Variants in RAB5B observed in about 807,000 individuals in gnomAD.
The protein encoded by RAB5B is RAB5B, member RAS oncogene family.
Under a neutral mutation model 28.6 loss-of-function variants are expected in RAB5B, and 11 were observed. The observed-to-expected ratio is 0.38, with a 90% CI of 0.24 to 0.64. The LOEUF (loss-of-function observed/expected upper bound fraction) is 0.64. Ranked by LOEUF, RAB5B falls within the 30% of genes least tolerant of loss-of-function variation. The probability of loss-of-function intolerance (pLI) is 0.53; values close to 1 mark genes in which losing one functional copy is unlikely to be tolerated. For missense variants in RAB5B, 169 were observed against 265.6 expected (o/e 0.64, Z 2.53); for synonymous variants, 93 against 97.9 (o/e 0.95, Z 0.29).
chr12:55,980,794 TC>T, intron 1 of RAB5B: 1 of 1,579,192 alleles, frequency 6.3e-7, no homozygotes, highest in Admixed American at 1.7e-5. Flanking sequence ...TGCCCATGGC[TC>T]CACGGTAGTA....
At chr12:55,991,303 A>G in intron 4 of RAB5B, 57 bp from the exon 5 acceptor site, 1 of 1,344,014 alleles carries the variant, frequency 7.4e-7, no homozygotes, top group Non-Finnish European at 1.1e-6. Context: ...GGGAGTGGAA[A>G]GGCAATACTC....
intron 1 of RAB5B, chr12:55,981,054 G>T: frequency 8.1e-6 from 13 of 1,597,354 alleles, no homozygotes; most frequent in Non-Finnish European, 1.1e-5. Context: ...GGGGGAGCCG[G>T]GGAAGGGATG....
intron 2 of RAB5B, among the ~76,000 whole-genome samples, chr12:55,988,665 G>A (rs1021408161): frequency 7.9e-5 from 12 of 151,938 alleles, no homozygotes; most frequent in Admixed American, 7.2e-4. Flanking sequence ...CACCATGCCC[G>A]GCTAATTTTT....
rs554428727 is a variant in RAB5B at position 55,988,694 on chromosome 12, G to A, written c.164-1253G>A. On this transcript the variant is annotated intron_variant, in intron 2 of 5. Coordinates refer to ENST00000360299, the MANE Select transcript of RAB5B (RefSeq NM_002868.4). ...AATTTTTGTATTTGTATAGAGACAG[G>A]GTTTCACCGTGTTGGCCAGGCTGGT... 5.9e-5 allele frequency among the ~76,000 whole-genome samples: 9 copies of A among 152,044 alleles called. 2 individuals are homozygous for A. In the South Asian group the frequency reaches 1.9e-3, roughly 32 times the overall value.
intron 1 of RAB5B, among the ~76,000 whole-genome samples, chr12:55,982,108 C>T (rs931431345): frequency 6.6e-6 from 1 of 151,978 alleles, no homozygotes. Flanking sequence ...GGCAGAGCTG[C>T]ACTTCTAAGG....
chr12:55,995,997 A>ATTTTTTTTTTTTT lies in RAB5B; in HGVS notation c.*3786_*3787insTTTTTTTTTTTTT, dbSNP rs1432681953. ...CATATATATATACATATATATATATATATATATTTTTTTTTTAACAACTGG... is the reference window on the plus strand; with the variant it reads ...CATATATATATACATATATATATATATTTTTTTTTTTTTTATATATTTTTTTTTTAACAACTGG... On this transcript the variant is annotated 3_prime_UTR_variant, in exon 6 of 6. Coordinates refer to ENST00000360299, the MANE Select transcript of RAB5B (RefSeq NM_002868.4). 2 of 100,472 alleles carry ATTTTTTTTTTTTT rather than the reference A, an allele frequency of 2.0e-5. No homozygotes were observed. Among genetic ancestry groups the ATTTTTTTTTTTTT allele is most frequent in the African/African-American group, 1.0e-4 (2 of 19,268 alleles). The allele number at this position is 100,472 out of a possible 1,614,324, so 6.2% of individuals were successfully genotyped here. A position where few individuals can be genotyped will look rare whatever the true frequency, so the allele number is the denominator to read the frequency against.
At chr12:55,979,190 A>G (rs1157672321) in intron 1 of RAB5B, among the ~76,000 whole-genome samples, 1 of 152,076 alleles carries the variant, frequency 6.6e-6, no homozygotes, top group Admixed American at 6.6e-5. Flanking sequence ...GTCTTATGAG[A>G]TATATAGAAT....
At position 55,996,551 on chromosome 12, in the gene RAB5B, C is replaced by G. The variant is rs1051541994; in HGVS notation, c.*4339C>G. 6.6e-6 allele frequency: 1 copy of G among 152,236 alleles called. No homozygotes were observed. Among genetic ancestry groups the G allele is most frequent in the Non-Finnish European group, 1.5e-5 (1 of 68,082 alleles). 9.4% of individuals were successfully genotyped at this position (152,236 alleles called of 1,614,324 possible). On this transcript the variant is annotated 3_prime_UTR_variant, in exon 6 of 6. Transcript: ENST00000360299. Reference sequence around the variant, plus strand: ...GGAGTGCAGTGCCGCGATCTTGGCTCAGTGCAACCTCGAACTCCTGGGCTT... The same window carrying G: ...GGAGTGCAGTGCCGCGATCTTGGCTGAGTGCAACCTCGAACTCCTGGGCTT...
intron 1 of RAB5B, among the ~76,000 whole-genome samples, chr12:55,982,101 A>G (rs1314039266): frequency 2.0e-5 from 3 of 152,044 alleles, no homozygotes; most frequent in Admixed American, 2.0e-4. Context: ...TGCACCCGGC[A>G]GAGCTGCACT....
Position 55,990,817 on chromosome 12 carries a change from G to A in RAB5B, c.438+13G>A, listed in dbSNP as rs200244758. 2.7e-4 allele frequency: 429 copies of A among 1,612,572 alleles called. No homozygotes were observed. Among genetic ancestry groups the A allele is most frequent in the Middle Eastern group, 1.5e-3 (9 of 6,046 alleles). On this transcript the variant is annotated intron_variant, in intron 4 of 5. Coordinates refer to ENST00000360299, the MANE Select transcript of RAB5B (RefSeq NM_002868.4). ...GGTGGAGTATGAAGTAAGGTGGCCC[G>A]TGGAGTTCCTCTCTAACACTTCCTC... is the stretch of plus-strand genomic sequence containing the variant.
chr12:55,976,874 G>A (rs990994104), intron 1 of RAB5B, among the ~76,000 whole-genome samples: 7 of 152,114 alleles, frequency 4.6e-5, no homozygotes, highest in African/African-American at 1.7e-4. Context: ...AAAGCCCTCT[G>A]TTGTACCCAG....
intron 1 of RAB5B, among the ~76,000 whole-genome samples, chr12:55,976,004 C>T (rs1889637834): frequency 6.6e-6 from 1 of 152,086 alleles, no homozygotes; most frequent in African/African-American, 2.4e-5. Context: ...CCCACCTCGG[C>T]CTCCCAAAGT....
At position 55,977,418 on chromosome 12, in the gene RAB5B, A is replaced by C. The variant is rs562284133; in HGVS notation, c.-93+3279A>C. Among the ~76,000 whole-genome samples, 8 of 152,324 alleles carry C rather than the reference A, an allele frequency of 5.3e-5. No individual in the cohort carries two copies. In the South Asian group the frequency reaches 1.7e-3, roughly 32 times the overall value. The stretch of plus-strand genomic sequence containing the variant: ...TTGCAAAAATATATTTGGAGAAGAG[A>C]GCTTTCCCATTGCCCTTCAAGTCAT... On this transcript the variant is annotated intron_variant, in intron 1 of 5. Transcript: ENST00000360299.
intron 1 of RAB5B, among the ~76,000 whole-genome samples, chr12:55,977,808 T>C (rs1249456607): frequency 2.6e-5 from 4 of 152,206 alleles, no homozygotes. Context: ...GAACAAAGTA[T>C]GTGTACATTT....
intron 1 of RAB5B, among the ~76,000 whole-genome samples, chr12:55,979,725 GT>G (rs1406063576): frequency 6.6e-6 from 1 of 152,150 alleles, no homozygotes; most frequent in African/African-American, 2.4e-5. Flanking sequence ...TTCTTAATTT[GT>G]TTTTAGTCCC....
rs935765781 is a variant in RAB5B at position 55,994,275 on chromosome 12, A to C, written c.*2063A>C. On this transcript the variant is annotated 3_prime_UTR_variant, in exon 6 of 6. Coordinates refer to ENST00000360299, the MANE Select transcript of RAB5B (RefSeq NM_002868.4). ...AGTGGAAGAACTAGGATGGCTTTCC[A>C]AAGTCTTCTAGAAATGAAGTTCTTT... 1 of 152,402 alleles carries C rather than the reference A, an allele frequency of 6.6e-6. No homozygotes were observed. Among genetic ancestry groups the C allele is most frequent in the Admixed American group, 6.5e-5 (1 of 15,270 alleles). The allele number at this position is 152,402 out of a possible 1,614,324, so 9.4% of individuals were successfully genotyped here.
intron 5 of RAB5B, chr12:55,991,746 G>C: frequency 2.5e-6 from 1 of 394,570 alleles, no homozygotes; most frequent in South Asian, 2.4e-5. Flanking sequence ...GGCCAATGTG[G>C]TGAAACCCCG....
intron 1 of RAB5B, among the ~76,000 whole-genome samples, chr12:55,982,819 A>G (rs969925536): frequency 6.6e-6 from 1 of 152,204 alleles, no homozygotes; most frequent in Admixed American, 6.6e-5. Context: ...CTCAAGTGAT[A>G]TGTTTAGCCA....
At chr12:55,978,774 C>CTT (rs35830890) in intron 1 of RAB5B, among the ~76,000 whole-genome samples, 3 of 136,546 alleles carry the variant, frequency 2.2e-5, no homozygotes, top group Admixed American at 7.3e-5. Flanking sequence ...GAAATACAGT[C>CTT]TTTTTTTTTT....
Sources: gnomAD v4.1 joint callset for allele counts (sites outside exome capture counted in the v4.1 genomes callset) on GRCh38, gnomAD v4.1.1 for gene constraint, MANE v1.5 for transcripts, NCBI Gene and HGNC (gene_info 2026-07-23, HGNC 2026-07-21) for gene names.